SPATS2: variants seen among roughly 807,000 people sequenced by gnomAD.
The protein encoded by SPATS2 is spermatogenesis-associated serine-rich protein 2.
In SPATS2, 38 loss-of-function variants were observed where a neutral mutation model predicts 63.7. The observed-to-expected ratio is 0.60, with a 90% CI of 0.46 to 0.78. SPATS2 has a LOEUF of 0.78. Among genes scored for constraint, SPATS2 ranks in the 30% least tolerant of loss-of-function variants. SPATS2 has a pLI of 0.00. For synonymous variants in SPATS2, 207 were observed against 232.9 expected, an observed-to-expected ratio of 0.89 and a Z score of 1.01; for missense variants, 588 against 666.2, an observed-to-expected ratio of 0.88 and a Z score of 1.29.
intron 2 of SPATS2, among the ~76,000 whole-genome samples, chr12:49,418,775 CT>C (rs1944933433): frequency 6.6e-6 from 1 of 152,066 alleles, no homozygotes; most frequent in African/African-American, 2.4e-5. Context: ...TTGAAAAATA[CT>C]TTTACAAAGC....
At chr12:49,403,594 TACACACAC>T (rs5798102) in intron 2 of SPATS2, among the ~76,000 whole-genome samples, 307 of 128,496 alleles carry the variant, frequency 2.4e-3, no homozygotes, top group East Asian at 0.01. Context: ...TGCCACTGTC[TACACACAC>T]ACACACACAC....
intron 2 of SPATS2, among the ~76,000 whole-genome samples, chr12:49,404,060 T>C (rs890199028): frequency 2.6e-5 from 4 of 152,200 alleles, no homozygotes. Context: ...GGCACTGGGC[T>C]AGATGCTAGA....
At chr12:49,394,776 A>G (rs1212503037) in intron 2 of SPATS2, among the ~76,000 whole-genome samples, 1 of 152,150 alleles carries the variant, frequency 6.6e-6, no homozygotes, top group Non-Finnish European at 1.5e-5. Context: ...ATCTATGAAT[A>G]AAGACAATTT....
intron 2 of SPATS2, among the ~76,000 whole-genome samples, chr12:49,451,949 T>C (rs1314695816): frequency 1.3e-5 from 2 of 152,254 alleles, no homozygotes; most frequent in Non-Finnish European, 2.9e-5. Context: ...TGGCTTCTTT[T>C]GCTTCTGATG....
Position 49,475,672 on chromosome 12 carries a change from A to C in SPATS2, c.26-8918A>C, listed in dbSNP as rs374702583. ...GGCTAGACTAGTCTCTAACTCCTGAACTCAGGCAATCCACCCGCCTTGGCC... is the reference window on the plus strand; with the variant it reads ...GGCTAGACTAGTCTCTAACTCCTGACCTCAGGCAATCCACCCGCCTTGGCC... On this transcript the variant is annotated intron_variant, in intron 3 of 13. Transcript: ENST00000552918. Among the ~76,000 whole-genome samples, 70 of 152,152 alleles carry C rather than the reference A, an allele frequency of 4.6e-4. No individual in the cohort carries two copies. In the South Asian group the frequency reaches 0.012, roughly 26 times the overall value.
At chr12:49,484,778 A>G in intron 4 of SPATS2, 109 bp downstream of exon 4, 1 of 900,486 alleles carries the variant, frequency 1.1e-6, no homozygotes, top group Non-Finnish European at 1.7e-6. Context: ...TTTTAAGAAT[A>G]AAACAATGCC....
rs368855729 is a variant in SPATS2 at position 49,484,681 on chromosome 12, C to G, written c.105+12C>G. 2.1e-5 allele frequency: 34 copies of G among 1,612,352 alleles called. No homozygotes were observed. In the Middle Eastern group the frequency reaches 8.2e-4, roughly 39 times the overall value. On this transcript the variant is annotated intron_variant, in intron 4 of 13. Coordinates refer to ENST00000552918, the MANE Select transcript of SPATS2 (RefSeq NM_023071.4). ...ACATGAAAGAGAAGGTAAGACTAGTCACTATGGATAGTAAACTTAAATGTC... is the reference window on the plus strand; with the variant it reads ...ACATGAAAGAGAAGGTAAGACTAGTGACTATGGATAGTAAACTTAAATGTC...
chr12:49,473,379 T>C (rs1946071136), intron 3 of SPATS2, among the ~76,000 whole-genome samples: 1 of 152,100 alleles, frequency 6.6e-6, no homozygotes, highest in African/African-American at 2.4e-5. Context: ...TCACACCCAC[T>C]GTACTCCAGC....
intron 9 of SPATS2, among the ~76,000 whole-genome samples, chr12:49,505,139 A>G (rs1946635992): frequency 6.6e-6 from 1 of 152,102 alleles, no homozygotes; most frequent in South Asian, 2.1e-4. Context: ...TAAAGGCCAC[A>G]TATAGATGCT....
At chr12:49,467,964 A>C (rs992357521) in intron 3 of SPATS2, among the ~76,000 whole-genome samples, 1 of 151,794 alleles carries the variant, frequency 6.6e-6, no homozygotes, top group African/African-American at 2.4e-5. Context: ...CGATCTCCTG[A>C]CCTCGTGATC....
intron 2 of SPATS2, among the ~76,000 whole-genome samples, chr12:49,411,024 G>A (rs772215361): frequency 4.6e-5 from 7 of 152,000 alleles, no homozygotes; most frequent in Non-Finnish European, 1.0e-4. Flanking sequence ...TTCAAAATTT[G>A]TATAGGGCCT....
chr12:49,525,851 C>A, intron 13 of SPATS2, 93 bp from the exon 14 acceptor site: 2 of 1,387,554 alleles, frequency 1.4e-6, no homozygotes, highest in Non-Finnish European at 2.0e-6. Flanking sequence ...GCATGGGATA[C>A]CACAATTCTG....
chr12:49,367,773 G>T (rs779414993), intron 1 of SPATS2, among the ~76,000 whole-genome samples, 186 bp downstream of exon 1: 6 of 151,954 alleles, frequency 3.9e-5, no homozygotes, highest in African/African-American at 7.3e-5. Flanking sequence ...GGTCTGTGGG[G>T]CGGGTGAAAC....
In SPATS2 at chr12:49,500,070, G is replaced by A. The variant is rs1338672797; in HGVS notation, c.704G>A (p.Ser235Asn). The change falls in exon 9 of 14, where the codon AGT becomes AAT. Residue 235 changes from serine (S) to asparagine (N), a missense_variant and splice_region_variant. Coordinates refer to ENST00000552918, the MANE Select transcript of SPATS2 (RefSeq NM_023071.4). ...TAATATTTCGGTTTTTTTCCCCAAG[G>A]TTCCAATATTGAAAAATCTGTAAAA... ...DVPLATSKKLSSNIEKSVKDL... is the reference protein window; with the variant it reads ...DVPLATSKKLNSNIEKSVKDL... 2 of 1,445,472 alleles carry A rather than the reference G, an allele frequency of 1.4e-6. No individual in the cohort carries two copies. The highest frequency in any genetic ancestry group is 2.6e-5 in the Admixed American group (1 of 38,306). The allele number at this position is 1,445,472 out of a possible 1,614,324, so 89.5% of individuals were successfully genotyped here. A position where few individuals can be genotyped will look rare whatever the true frequency, so the allele number is the denominator to read the frequency against.
At chr12:49,489,833 A>C (rs547877424) in intron 5 of SPATS2, among the ~76,000 whole-genome samples, 12 of 152,338 alleles carry the variant, frequency 7.9e-5, no homozygotes, top group Admixed American at 1.3e-4. Context: ...TCATGTGGCC[A>C]GTGGTATAAG....
At position 49,526,474 on chromosome 12, in the gene SPATS2, T is replaced by C. The variant is rs1947038090; in HGVS notation, c.*219T>C. ...CTTGATCTTTCCCAGTGATATGGAT[T>C]GAATCTGGTTGGTCATTTCCACCAG... On this transcript the variant is annotated 3_prime_UTR_variant, in exon 14 of 14. Coordinates refer to ENST00000552918, the MANE Select transcript of SPATS2 (RefSeq NM_023071.4). 8.4e-6 allele frequency: 5 copies of C among 591,970 alleles called. No individual in the cohort carries two copies. The highest frequency in any genetic ancestry group is 1.4e-5 in the Non-Finnish European group (5 of 354,586). 36.7% of individuals were successfully genotyped at this position (591,970 alleles called of 1,614,324 possible).
At chr12:49,476,765 G>A (rs1353413970) in intron 3 of SPATS2, among the ~76,000 whole-genome samples, 2 of 152,152 alleles carry the variant, frequency 1.3e-5, no homozygotes, top group African/African-American at 4.8e-5. Flanking sequence ...AGGAATTGAC[G>A]GGATTATTAC....
chr12:49,490,635 C>G, intron 5 of SPATS2, 47 bp from the exon 6 acceptor site: 2 of 1,556,068 alleles, frequency 1.3e-6, no homozygotes, highest in Non-Finnish European at 1.8e-6. Flanking sequence ...TGCTTGACTA[C>G]TGTGTGTGTG....
At chr12:49,519,027 C>G in intron 10 of SPATS2, 46 bp from the exon 11 acceptor site, 1 of 1,486,546 alleles carries the variant, frequency 6.7e-7, no homozygotes, top group Non-Finnish European at 9.3e-7. Flanking sequence ...TCTTCTTTAT[C>G]CTATTTAGCA....
Sources: gnomAD v4.1 joint callset for allele counts (sites outside exome capture counted in the v4.1 genomes callset) on GRCh38, gnomAD v4.1.1 for gene constraint, MANE v1.5 for transcripts, NCBI Gene and HGNC (gene_info 2026-07-23, HGNC 2026-07-21) for gene names.